The following STX8 variants were observed in gnomAD, a reference collection of about 807,000 sequenced individuals.
STX8 encodes the protein syntaxin 8.
In STX8, 23 loss-of-function variants were observed where a neutral mutation model predicts 37.5. That is an observed-to-expected ratio of 0.61 (90% CI 0.44 to 0.87). The LOEUF is 0.87. STX8 is among the 40% of genes least tolerant of loss of function. The pLI is 0.00. For synonymous variants in STX8, 115 were observed against 99.1 expected (o/e 1.16, Z -0.95); for missense variants, 313 against 284.7 (o/e 1.10, Z -0.71).
At position 9,412,559 on chromosome 17, in the gene STX8, G is replaced by A. The variant is rs561501850; in HGVS notation, c.542-33906C>T. 4.6e-5 allele frequency among the ~76,000 whole-genome samples: 7 copies of A among 152,070 alleles called. No homozygotes were observed. The East Asian group carries it at 7.7e-4, about 17-fold the overall frequency. Reference sequence around the variant, plus strand: ...CTCCCAAAGTGCAGGGATTACACGCGTGAGCCACCACACCCGGCCTCACAG... The same window carrying A: ...CTCCCAAAGTGCAGGGATTACACGCATGAGCCACCACACCCGGCCTCACAG... On this transcript the variant is annotated intron_variant, in intron 6 of 7. Coordinates refer to ENST00000306357, the MANE Select transcript of STX8 (RefSeq NM_004853.3).
chr17:9,494,412 T>C (rs1212478668), intron 5 of STX8, among the ~76,000 whole-genome samples: 1 of 151,406 alleles, frequency 6.6e-6, no homozygotes, highest in Non-Finnish European at 1.5e-5. Flanking sequence ...GCAGATCACT[T>C]AAGCCCAGGA....
At chr17:9,251,167 A>C (rs1906561525) in intron 7 of STX8, among the ~76,000 whole-genome samples, 1 of 152,190 alleles carries the variant, frequency 6.6e-6, no homozygotes, top group South Asian at 2.1e-4. Flanking sequence ...TTTTTCTGCT[A>C]GTATTTGCTA....
chr17:9,266,472 T>C (rs1472306427), intron 7 of STX8, among the ~76,000 whole-genome samples: 15 of 152,100 alleles, frequency 9.9e-5, no homozygotes, highest in Admixed American at 9.8e-4. Flanking sequence ...TTCAGCGCCG[T>C]GCTGGCTGAG....
chr17:9,506,462 G>C (rs1220556066), intron 4 of STX8, among the ~76,000 whole-genome samples: 2 of 116,026 alleles, frequency 1.7e-5, no homozygotes, highest in Non-Finnish European at 3.2e-5. Flanking sequence ...TGAATAAACA[G>C]CTAAGATTTG....
chr17:9,441,295 T>C (rs937802424), intron 6 of STX8, among the ~76,000 whole-genome samples: 1 of 151,662 alleles, frequency 6.6e-6, no homozygotes, highest in Non-Finnish European at 1.5e-5. Flanking sequence ...ATCAAAACCA[T>C]CCTGGCCAAC....
intron 6 of STX8, among the ~76,000 whole-genome samples, chr17:9,435,334 A>G (rs554768146): frequency 6.6e-6 from 1 of 152,280 alleles, no homozygotes; most frequent in African/African-American, 2.4e-5. Flanking sequence ...AGAGCACAGG[A>G]GATTAGGATA....
rs574787254 is a variant in STX8 at position 9,412,833 on chromosome 17, A to T, written c.542-34180T>A. Among the ~76,000 whole-genome samples the T allele has an allele frequency of 2.6e-5, 4 of 152,330 alleles. No homozygotes were observed. The East Asian group carries it at 7.7e-4, about 29-fold the overall frequency. ...AATTCGTCTTTAGAGTTCTGATAGA[A>T]GATGATAAAAATAGGTTGAGAACTG... On this transcript the variant is annotated intron_variant, in intron 6 of 7. Coordinates refer to ENST00000306357, the MANE Select transcript of STX8 (RefSeq NM_004853.3).
chr17:9,318,732 G>A (rs1489365944), intron 7 of STX8, among the ~76,000 whole-genome samples: 1 of 152,074 alleles, frequency 6.6e-6, no homozygotes, highest in Admixed American at 6.6e-5. Context: ...GCATGAGGAT[G>A]GTATAAAGCA....
intron 6 of STX8, among the ~76,000 whole-genome samples, chr17:9,395,495 T>C (rs553107776): frequency 6.6e-6 from 1 of 152,040 alleles, no homozygotes; most frequent in Non-Finnish European, 1.5e-5. Context: ...AGAGAATCGC[T>C]TGAACCTGGG....
intron 2 of STX8, among the ~76,000 whole-genome samples, chr17:9,560,820 G>C (rs747763344): frequency 1.1e-4 from 16 of 151,606 alleles, no homozygotes; most frequent in Non-Finnish European, 1.9e-4. Flanking sequence ...TAAAAACCAT[G>C]AATATGTATA....
At chr17:9,573,958 T>C (rs1473922085) in intron 1 of STX8, among the ~76,000 whole-genome samples, 1 of 152,066 alleles carries the variant, frequency 6.6e-6, no homozygotes, top group African/African-American at 2.4e-5. Flanking sequence ...ATTCATGTGA[T>C]GCATTATTTT....
intron 6 of STX8, among the ~76,000 whole-genome samples, chr17:9,477,843 T>C (rs373351442): frequency 2.0e-5 from 3 of 152,262 alleles, no homozygotes; most frequent in African/African-American, 7.2e-5. Flanking sequence ...GTGGCCTGAG[T>C]ATCCCATTCT....
chr17:9,397,730 C>G (rs1912454722), intron 6 of STX8, among the ~76,000 whole-genome samples: 1 of 151,960 alleles, frequency 6.6e-6, no homozygotes, highest in Non-Finnish European at 1.5e-5. Flanking sequence ...AATTCCAGCA[C>G]CTTGGGAGGT....
At chr17:9,418,912 CTTT>C (rs1170091776) in intron 6 of STX8, among the ~76,000 whole-genome samples, 2 of 127,866 alleles carry the variant, frequency 1.6e-5, no homozygotes, top group East Asian at 5.1e-4. Flanking sequence ...ACCCCCCCCT[CTTT>C]TTTTTTCTTT....
At chr17:9,269,761 G>A (rs1365375298) in intron 7 of STX8, among the ~76,000 whole-genome samples, 3 of 152,122 alleles carry the variant, frequency 2.0e-5, no homozygotes, top group East Asian at 1.9e-4. Context: ...CTCCCACTCC[G>A]AGCATGCCAC....
chr17:9,510,421 CAAGTATCCTATTTAACCACAGTGG>C (rs1160045952), intron 4 of STX8, among the ~76,000 whole-genome samples: 1 of 152,070 alleles, frequency 6.6e-6, no homozygotes, highest in Non-Finnish European at 1.5e-5. Flanking sequence ...GAAATCATAC[CAAGTATCCTATTTAACCACAGTGG>C]AAAATATCAA....
intron 4 of STX8, among the ~76,000 whole-genome samples, chr17:9,506,646 C>T (rs1396678007): frequency 1.3e-5 from 2 of 152,012 alleles, no homozygotes; most frequent in Non-Finnish European, 2.9e-5. Context: ...AAAAGGTAAG[C>T]GGGAGATTCC....
intron 6 of STX8, among the ~76,000 whole-genome samples, chr17:9,437,347 C>A (rs974246815): frequency 3.9e-5 from 6 of 152,166 alleles, no homozygotes; most frequent in Non-Finnish European, 8.8e-5. Flanking sequence ...CTCGTCAGGG[C>A]TACAATGACT....
At chr17:9,348,359 A>T (rs1172787729) in intron 7 of STX8, among the ~76,000 whole-genome samples, 1 of 150,554 alleles carries the variant, frequency 6.6e-6, no homozygotes, top group Non-Finnish European at 1.5e-5. Context: ...CAGAACTTGC[A>T]ATGAGCCGAG....
Sources: allele counts gnomAD v4.1 joint callset (sites outside exome capture counted in the v4.1 genomes callset), GRCh38; gene constraint gnomAD v4.1.1; transcripts MANE v1.5; gene names NCBI Gene and HGNC (gene_info 2026-07-23, HGNC 2026-07-21).